The following CATSPERB variants were observed in gnomAD, a reference collection of about 807,000 sequenced individuals.
CATSPERB encodes the protein cation channel sperm-associated auxiliary subunit beta.
CATSPERB carries 93 observed loss-of-function variants against 128.3 expected under a neutral mutation model. The ratio of observed to expected loss-of-function variants is 0.72; its 90% CI spans 0.61 to 0.86. The LOEUF (loss-of-function observed/expected upper bound fraction) is 0.86. Among genes scored for constraint, CATSPERB ranks in the 40% least tolerant of loss-of-function variants. The probability of loss-of-function intolerance (pLI) is 0.00; values close to 1 mark genes in which losing one functional copy is unlikely to be tolerated. For synonymous variants in CATSPERB, 381 were observed against 448.8 expected (o/e 0.85, Z 1.91); for missense variants, 1,153 against 1,329.5 (o/e 0.87, Z 2.06).
intron 10 of CATSPERB, 139 bp from the exon 11 acceptor site, chr14:91,684,082 A>G (rs1354912173): frequency 5.2e-6 from 3 of 575,938 alleles, no homozygotes; most frequent in East Asian, 3.0e-5. Context: ...GTATGCAAAT[A>G]AAAGACTGTA....
At chr14:91,722,124 T>C (rs1277172513) in intron 4 of CATSPERB, among the ~76,000 whole-genome samples, 1 of 152,158 alleles carries the variant, frequency 6.6e-6, no homozygotes, top group East Asian at 1.9e-4. Context: ...TAGAAAACAG[T>C]CTGGCATTTT....
At chr14:91,706,111 T>C (rs1895727524) in intron 6 of CATSPERB, among the ~76,000 whole-genome samples, 1 of 152,216 alleles carries the variant, frequency 6.6e-6, no homozygotes, top group Admixed American at 6.5e-5. Flanking sequence ...TCCCCAACTT[T>C]CAATAAAATC....
At chr14:91,647,747 C>T (rs1282167206) in intron 15 of CATSPERB, among the ~76,000 whole-genome samples, 1 of 152,120 alleles carries the variant, frequency 6.6e-6, no homozygotes, top group Non-Finnish European at 1.5e-5. Context: ...TACCTCCTAC[C>T]AGGTACCTCC....
chr14:91,611,215 T>A (rs980675681), intron 20 of CATSPERB, among the ~76,000 whole-genome samples: 1 of 152,130 alleles, frequency 6.6e-6, no homozygotes. Context: ...TAAAGATCTG[T>A]TTGAGAATAA....
chr14:91,610,547 G>C lies in CATSPERB; in HGVS notation c.2531C>G (p.Pro844Arg), dbSNP rs754044973. ...SMHHIPSKFIPFEDWISGVHK... is the reference protein window; with the variant it reads ...SMHHIPSKFIRFEDWISGVHK... ...AACTCCACTAATCCAGTCTTCAAATGGGATAAATTTGCTAGGAATGTGATG... is the reference window on the plus strand; with the variant it reads ...AACTCCACTAATCCAGTCTTCAAATCGGATAAATTTGCTAGGAATGTGATG... The change falls in exon 21 of 27, where the codon CCA (proline) becomes CGA (arginine). Residue 844 changes from proline (P) to arginine (R), a missense_variant. Pro to Arg is a moderately radical substitution (Grantham distance 103). Transcript: ENST00000256343. The C allele has an allele frequency of 1.1e-5, 17 of 1,613,846 alleles. No individual in the cohort carries two copies. Among genetic ancestry groups the C allele is most frequent in the Non-Finnish European group, 1.4e-5 (16 of 1,179,986 alleles).
chr14:91,605,051 T>G, intron 22 of CATSPERB: 1 of 1,194,952 alleles, frequency 8.4e-7, no homozygotes, highest in African/African-American at 1.5e-5. Flanking sequence ...GAATGGGACC[T>G]TGTCTTCCTT....
At chr14:91,724,964 CT>C (rs2139782158) in intron 3 of CATSPERB, 115 bp downstream of exon 3, 1 of 422,880 alleles carries the variant, frequency 2.4e-6, no homozygotes, top group East Asian at 3.6e-5. Flanking sequence ...AGAATTTTCC[CT>C]CCCCAAGACT....
intron 7 of CATSPERB, among the ~76,000 whole-genome samples, chr14:91,697,827 T>C (rs868518957): frequency 1.3e-5 from 2 of 152,340 alleles, no homozygotes; most frequent in Non-Finnish European, 2.9e-5. Flanking sequence ...CCTCAGGCTT[T>C]GTTCTTTTTG....
chr14:91,686,812 G>A (rs1895383602), intron 10 of CATSPERB, among the ~76,000 whole-genome samples: 1 of 152,146 alleles, frequency 6.6e-6, no homozygotes, highest in African/African-American at 2.4e-5. Flanking sequence ...AATTATTCAT[G>A]GGAGCATTGT....
chr14:91,698,017 T>A (rs369099333), intron 7 of CATSPERB, among the ~76,000 whole-genome samples: 7 of 152,350 alleles, frequency 4.6e-5, no homozygotes, highest in Middle Eastern at 3.4e-3. Flanking sequence ...GAGCATGGAC[T>A]GTTTTTCCAT....
At chr14:91,586,181 C>G (rs978820360) in intron 26 of CATSPERB, among the ~76,000 whole-genome samples, 1 of 152,160 alleles carries the variant, frequency 6.6e-6, no homozygotes, top group African/African-American at 2.4e-5. Flanking sequence ...AGAATCAGGA[C>G]TCCCTTTCTC....
chr14:91,672,273 G>GT (rs1457993268), intron 13 of CATSPERB, among the ~76,000 whole-genome samples: 6 of 152,008 alleles, frequency 3.9e-5, no homozygotes, highest in Non-Finnish European at 5.9e-5. Flanking sequence ...TTGTTTGTTT[G>GT]TTTTTTTGTT....
intron 21 of CATSPERB, among the ~76,000 whole-genome samples, chr14:91,609,800 A>T (rs1893788023): frequency 6.6e-6 from 1 of 152,116 alleles, no homozygotes; most frequent in Admixed American, 6.5e-5. Context: ...GTGCAGTGGC[A>T]CCATCTCCGC....
intron 15 of CATSPERB, among the ~76,000 whole-genome samples, chr14:91,657,976 G>A (rs906618927): frequency 8.5e-5 from 13 of 152,150 alleles, no homozygotes; most frequent in South Asian, 2.1e-4. Context: ...ATAGTTTGGA[G>A]GTTCCTCAGA....
intron 15 of CATSPERB, among the ~76,000 whole-genome samples, chr14:91,654,969 T>A (rs562166162): frequency 1.3e-5 from 1 of 79,022 alleles, no homozygotes; most frequent in African/African-American, 3.6e-5. Flanking sequence ...TTCCTGGTAA[T>A]ACAGTCTCTT....
rs138422969 is a variant in CATSPERB at position 91,668,175 on chromosome 14, T to C, written c.1287+1639A>G. The stretch of plus-strand genomic sequence containing the variant: ...TGGGGTGTCCTGTTTAGAGGGGAGA[T>C]TGAGAGGTGAAGCCAGCTGGACTTC... On this transcript the variant is annotated intron_variant, in intron 14 of 26. Transcript: ENST00000256343. Among the ~76,000 whole-genome samples the C allele has an allele frequency of 9.0e-3, 1,364 of 152,192 alleles. 16 individuals carry two copies. Among genetic ancestry groups the C allele is most frequent in the Middle Eastern group, 0.044 (13 of 294 alleles).
chr14:91,663,176 T>C (rs1894914448), intron 14 of CATSPERB, among the ~76,000 whole-genome samples: 1 of 152,190 alleles, frequency 6.6e-6, no homozygotes, highest in Admixed American at 6.5e-5. Flanking sequence ...TAAGAGACTC[T>C]GTGATCTGAT....
chr14:91,723,962 AGGTTG>A (rs1896076542), intron 3 of CATSPERB, among the ~76,000 whole-genome samples: 1 of 152,184 alleles, frequency 6.6e-6, no homozygotes, highest in Non-Finnish European at 1.5e-5. Flanking sequence ...CAGGGAAGGG[AGGTTG>A]AGAGTGCAGG....
rs572456094 is a variant in CATSPERB, at chr14:91,588,713, A to G, written c.2957-635T>C. Among the ~76,000 whole-genome samples the G allele has an allele frequency of 2.0e-5, 3 of 152,344 alleles. No individual in the cohort carries two copies. The East Asian group carries it at 5.8e-4, about 29-fold the overall frequency. On this transcript the variant is annotated intron_variant, in intron 24 of 26. Coordinates refer to ENST00000256343, the MANE Select transcript of CATSPERB (RefSeq NM_024764.4). ...CTCACCCTGACTAATTTCAAGCTACAAATGGTTTAACATCTAGCTTGTAAA... is the reference window on the plus strand; with the variant it reads ...CTCACCCTGACTAATTTCAAGCTACGAATGGTTTAACATCTAGCTTGTAAA...
Sources: gnomAD v4.1 joint callset for allele counts (sites outside exome capture counted in the v4.1 genomes callset) on GRCh38, gnomAD v4.1.1 for gene constraint, MANE v1.5 for transcripts, NCBI Gene and HGNC (gene_info 2026-07-23, HGNC 2026-07-21) for gene names.